CAPN9: variants seen among roughly 807,000 people sequenced by gnomAD.
CAPN9 encodes the protein calpain-9.
A neutral mutation model predicts 92.8 loss-of-function variants in CAPN9; 81 were observed. That is an observed-to-expected ratio of 0.87 (90% CI 0.73 to 1.05). The LOEUF (loss-of-function observed/expected upper bound fraction) is 1.05. Ranked by LOEUF, CAPN9 falls within the 50% of genes least tolerant of loss-of-function variation. The pLI, the probability that CAPN9 is intolerant of heterozygous loss-of-function variation, is 0.00. For synonymous variants in CAPN9, 304 were observed against 328.0 expected (o/e 0.93, Z 0.79); for missense variants, 848 against 866.2 (o/e 0.98, Z 0.26).
At chr1:230,768,045 TAAATAAATAAAA>T (rs1312557057) in intron 5 of CAPN9, among the ~76,000 whole-genome samples, 41 of 123,276 alleles carry the variant, frequency 3.3e-4, no homozygotes, top group African/African-American at 9.4e-4. Context: ...AATAAATAAA[TAAATAAATAAAA>T]AATAAAATAA....
chr1:230,765,955 C>T, intron 4 of CAPN9, among the ~76,000 whole-genome samples: 1 of 152,280 alleles, frequency 6.6e-6, no homozygotes, highest in African/African-American at 2.4e-5. Flanking sequence ...ACTAACACTA[C>T]CTTAGCCAGG....
At chr1:230,758,000 G>A (rs547085765) in intron 2 of CAPN9, among the ~76,000 whole-genome samples, 7 of 152,184 alleles carry the variant, frequency 4.6e-5, no homozygotes, top group East Asian at 1.9e-4. Context: ...CGAGCAACAC[G>A]CTGACCCACA....
intron 2 of CAPN9, among the ~76,000 whole-genome samples, chr1:230,756,646 G>A (rs964630133): frequency 3.9e-5 from 6 of 152,014 alleles, no homozygotes; most frequent in Non-Finnish European, 4.4e-5. Flanking sequence ...AGAAAATACC[G>A]TGTTCCAGGC....
In CAPN9 at chr1:230,795,761, C is replaced by G. The variant is rs1056411452; in HGVS notation, c.1987+482C>G. Among the ~76,000 whole-genome samples the G allele has an allele frequency of 7.4e-4, 112 of 152,086 alleles. 1 individual carries two copies. The highest frequency in any genetic ancestry group is 1.9e-4 in the Non-Finnish European group (13 of 68,034). On this transcript the variant is annotated intron_variant, in intron 18 of 19. Coordinates refer to ENST00000271971, the MANE Select transcript of CAPN9 (RefSeq NM_006615.3). The stretch of plus-strand genomic sequence containing the variant: ...AGTTTATTGTCATAGCCATCCTGCC[C>G]CTCAAAGGTGGTTTTGAAGGTGAGG...
At chr1:230,769,302 C>A in intron 6 of CAPN9, 39 bp downstream of exon 6, 2 of 1,395,396 alleles carry the variant, frequency 1.4e-6, no homozygotes, top group Non-Finnish European at 2.0e-6. Context: ...TATGGGGAGA[C>A]ATGTGACAAT....
rs1668739104 is a variant in CAPN9, at chr1:230,801,759, G to A, written c.*163G>A. On this transcript the variant is annotated 3_prime_UTR_variant, in exon 20 of 20. Coordinates refer to ENST00000271971, the MANE Select transcript of CAPN9 (RefSeq NM_006615.3). Reference sequence around the variant, plus strand: ...ATCTGGGAAGAATGAAATGAACTCAGCTACACTCTCTGATTTTGTGCTACT... The same window carrying A: ...ATCTGGGAAGAATGAAATGAACTCAACTACACTCTCTGATTTTGTGCTACT... 5.7e-6 allele frequency: 4 copies of A among 704,420 alleles called. No homozygotes were observed. The highest frequency in any genetic ancestry group is 2.6e-5 in the East Asian group (1 of 38,224). 43.6% of individuals were successfully genotyped at this position (704,420 alleles called of 1,614,324 possible). A position where few individuals can be genotyped will look rare whatever the true frequency, so the allele number is the denominator to read the frequency against.
At position 230,780,526 on chromosome 1, in the gene CAPN9, C is replaced by T; in HGVS notation, c.1299C>T (p.Asn433=). Residue 433 remains asparagine (N), a synonymous_variant, in exon 11 of 20, where the codon AAC becomes AAT. Transcript: ENST00000271971. The part of the protein sequence containing the change: ...YECPDKDEHL[N]KDFFRYHASR... ...GCCCTGACAAAGACGAACACCTGAA[C>T]AAAGACTTCTTCAGATACCACGCTT... 6.2e-7 allele frequency: 1 copy of T among 1,614,116 alleles called. No individual in the cohort carries two copies. The highest frequency in any genetic ancestry group is 8.5e-7 in the Non-Finnish European group (1 of 1,180,012).
intron 5 of CAPN9, 133 bp from the exon 6 acceptor site, chr1:230,769,047 C>T (rs772419476): frequency 3.1e-5 from 22 of 699,536 alleles, no homozygotes; most frequent in South Asian, 1.2e-4. Flanking sequence ...GCATAGCCCA[C>T]GCACATGGCC....
chr1:230,761,432 GCCCGAACTTTAAACA>G (rs1308339528), intron 3 of CAPN9, among the ~76,000 whole-genome samples: 3 of 152,076 alleles, frequency 2.0e-5, no homozygotes, highest in Non-Finnish European at 4.4e-5. Flanking sequence ...CAAGGCCCAG[GCCCGAACTTTAAACA>G]CCTAACCCAA....
Position 230,751,415 on chromosome 1 carries a change from A to G in CAPN9, c.213+3706A>G, listed in dbSNP as rs376457822. ...GTGAAAGACAGAATGAATGAAAAAG[A>G]AAGAGAGAAAGAAAGAGAAAAAGAG... is the stretch of plus-strand genomic sequence containing the variant. On this transcript the variant is annotated intron_variant, in intron 1 of 19. Coordinates refer to ENST00000271971, the MANE Select transcript of CAPN9 (RefSeq NM_006615.3). Among the ~76,000 whole-genome samples, 21 of 151,914 alleles carry G rather than the reference A, an allele frequency of 1.4e-4. No individual in the cohort carries two copies. The East Asian group carries it at 4.1e-3, about 30-fold the overall frequency.
At chr1:230,757,006 G>GAGGAGGGAAGGA in intron 2 of CAPN9, among the ~76,000 whole-genome samples, 1 of 119,286 alleles carries the variant, frequency 8.4e-6, no homozygotes, top group Non-Finnish European at 1.8e-5. Flanking sequence ...GGGAGGGAGG[G>GAGGAGGGAAGGA]AGGATGGAAG....
Position 230,795,247 on chromosome 1 carries a change from T to C in CAPN9, c.1955T>C (p.Leu652Pro). 1 of 1,612,980 alleles carries C rather than the reference T, an allele frequency of 6.2e-7. No homozygotes were observed. The highest frequency in any genetic ancestry group is 8.5e-7 in the Non-Finnish European group (1 of 1,179,256). The change falls in exon 18 of 20, where the codon CTC becomes CCC. Residue 652 changes from leucine (L) to proline (P), a missense_variant. Transcript: ENST00000271971. The part of the protein sequence containing the change: ...EELQLDFDDF[L>P]NCLVRLENAS... ...CTCCAGCTGGACTTCGATGACTTCC[T>C]CAACTGCCTGGTCCGGCTGGAGAAT...
At position 230,762,972 on chromosome 1, in the gene CAPN9, G is replaced by A. The variant is rs550210510; in HGVS notation, c.536+186G>A. Among the ~76,000 whole-genome samples, 11 of 152,282 alleles carry A rather than the reference G, an allele frequency of 7.2e-5. No individual in the cohort carries two copies. In the East Asian group the frequency reaches 1.9e-3, roughly 27 times the overall value. On this transcript the variant is annotated intron_variant, in intron 4 of 19. Coordinates refer to ENST00000271971, the MANE Select transcript of CAPN9 (RefSeq NM_006615.3). The stretch of plus-strand genomic sequence containing the variant: ...GGTTTTCCTGTCGTAGCCTAGATGT[G>A]CCCATCTTTGGGAGCAGTGGCTACA...
rs138871271 is a variant in CAPN9 at position 230,762,719 on chromosome 1, T to C, written c.469T>C (p.Leu157=). Residue 157 remains leucine, a synonymous_variant, in exon 4 of 20, where the codon TTG becomes CTG. Coordinates refer to ENST00000271971, the MANE Select transcript of CAPN9 (RefSeq NM_006615.3). Reference sequence around the variant, plus strand: ...CCGCCTGCCCACCTTCAGGGACCGCTTGGTTTTCCTCCACTCTGCCGACCA... The same window carrying C: ...CCGCCTGCCCACCTTCAGGGACCGCCTGGTTTTCCTCCACTCTGCCGACCA... ...DDRLPTFRDR[L]VFLHSADHNE... is the part of the protein sequence containing the mutation. 82 of 1,614,022 alleles carry C rather than the reference T, an allele frequency of 5.1e-5. No homozygotes were observed. Among genetic ancestry groups the C allele is most frequent in the Non-Finnish European group, 6.2e-5 (73 of 1,180,020 alleles).
At chr1:230,798,750 T>C (rs560924122) in intron 19 of CAPN9, among the ~76,000 whole-genome samples, 1 of 152,254 alleles carries the variant, frequency 6.6e-6, no homozygotes, top group South Asian at 2.1e-4. Flanking sequence ...AATCACCCTC[T>C]CCCCAGAGGA....
At chr1:230,768,047 AATAAATAAAAAAT>A (rs1319121308) in intron 5 of CAPN9, among the ~76,000 whole-genome samples, 4 of 88,420 alleles carry the variant, frequency 4.5e-5, no homozygotes, top group Admixed American at 1.1e-4. Flanking sequence ...TAAATAAATA[AATAAATAAAAAAT>A]AAAATAAAAT....
intron 14 of CAPN9, chr1:230,790,493 C>T (rs1667907675): frequency 6.0e-6 from 1 of 166,834 alleles, no homozygotes; most frequent in Admixed American, 6.5e-5. Flanking sequence ...GTGTCATATG[C>T]GTAGACATAT....
At chr1:230,788,117 T>C (rs1314073889) in intron 13 of CAPN9, among the ~76,000 whole-genome samples, 1 of 152,298 alleles carries the variant, frequency 6.6e-6, no homozygotes, top group East Asian at 1.9e-4. Flanking sequence ...CCTCCCAAAG[T>C]GCTGGGATTA....
chr1:230,778,892 T>G, intron 8 of CAPN9, 81 bp from the exon 9 acceptor site: 2 of 1,237,248 alleles, frequency 1.6e-6, no homozygotes, highest in Non-Finnish European at 1.1e-6. Flanking sequence ...AATGAATAAG[T>G]GAATGATTTA....
Sources: allele counts gnomAD v4.1 joint callset (sites outside exome capture counted in the v4.1 genomes callset), GRCh38; gene constraint gnomAD v4.1.1; transcripts MANE v1.5; gene names NCBI Gene and HGNC (gene_info 2026-07-23, HGNC 2026-07-21).